The following WWOX variants were observed in gnomAD, a reference collection of about 807,000 sequenced individuals.
WWOX encodes the protein WW domain containing oxidoreductase.
WWOX carries 69 observed loss-of-function variants against 46.2 expected under a neutral mutation model. The ratio of observed to expected loss-of-function variants is 1.49; its 90% CI spans 1.23 to 1.82. The LOEUF is 1.82. WWOX is among the 40% of genes most tolerant of loss of function. The probability of loss-of-function intolerance (pLI) is 0.00; values close to 1 mark genes in which losing one functional copy is unlikely to be tolerated. For synonymous variants in WWOX, 359 were observed against 202.6 expected, an observed-to-expected ratio of 1.77 and a Z score of -6.56; for missense variants, 919 against 542.6, an observed-to-expected ratio of 1.69 and a Z score of -6.89.
At chr16:79,116,657 C>G (rs1025144118) in intron 8 of WWOX, among the ~76,000 whole-genome samples, 1 of 152,092 alleles carries the variant, frequency 6.6e-6, no homozygotes, top group Non-Finnish European at 1.5e-5. Context: ...CTTGAAGGGG[C>G]TCAAGACTTA....
At chr16:78,616,263 T>A (rs1047909342) in intron 8 of WWOX, among the ~76,000 whole-genome samples, 1 of 152,124 alleles carries the variant, frequency 6.6e-6, no homozygotes, top group Non-Finnish European at 1.5e-5. Flanking sequence ...TTGTCTTAGT[T>A]TTTTTGGGCT....
chr16:78,426,054 G>A (rs1189779340), intron 7 of WWOX, among the ~76,000 whole-genome samples: 1 of 152,190 alleles, frequency 6.6e-6, no homozygotes, highest in African/African-American at 2.4e-5. Context: ...GTGACACACT[G>A]CAGATAGATT....
At chr16:78,992,205 C>G (rs997700780) in intron 8 of WWOX, among the ~76,000 whole-genome samples, 3 of 152,186 alleles carry the variant, frequency 2.0e-5, no homozygotes, top group African/African-American at 7.2e-5. Context: ...AACGATGTCA[C>G]TATTCTTCTA....
rs2151823696 is a variant in WWOX, at chr16:78,245,701, C to T, written c.516+81412C>T. On this transcript the variant is annotated intron_variant, in intron 5 of 8. Transcript: ENST00000566780. ...GGGGATTTGTCATCCCATAGAATGC[C>T]ACCACATGGAATCGGTCCTGAGGCT... Among the ~76,000 whole-genome samples, 4 of 152,302 alleles carry T rather than the reference C, an allele frequency of 2.6e-5. 2 individuals carry two copies. Among genetic ancestry groups the T allele is most frequent in the Admixed American group, 2.6e-4 (4 of 15,306 alleles).
rs1013154030 is a variant in WWOX at position 78,100,038 on chromosome 16, T to C, written c.107+153T>C. The C allele has an allele frequency of 1.3e-4, 189 of 1,437,416 alleles. 1 individual carries two copies. Among genetic ancestry groups the C allele is most frequent in the Non-Finnish European group, 2.0e-5 (22 of 1,096,920 alleles). 89.0% of individuals were successfully genotyped at this position (1,437,416 alleles called of 1,614,324 possible). A position where few individuals can be genotyped will look rare whatever the true frequency, so the allele number is the denominator to read the frequency against. On this transcript the variant is annotated intron_variant, in intron 1 of 8. Transcript: ENST00000566780. ...AGCTTCAGGGAAAAGGGTCCAGGGT[T>C]CCCAGTAGGGGCCGGCCCCCTTGGT...
rs189399780 is a variant in WWOX at position 78,405,553 on chromosome 16, C to T, written c.605+18605C>T. ...GAATATTTATTCAGGACATTCTCTACCAGACATATTGAGTAAGGGCAACAG... is the reference window on the plus strand; with the variant it reads ...GAATATTTATTCAGGACATTCTCTATCAGACATATTGAGTAAGGGCAACAG... On this transcript the variant is annotated intron_variant, in intron 6 of 8. Transcript: ENST00000566780. Among the ~76,000 whole-genome samples the T allele has an allele frequency of 6.2e-4, 94 of 152,242 alleles. 1 individual carries two copies. The highest frequency in any genetic ancestry group is 1.2e-3 in the Non-Finnish European group (79 of 68,030).
At chr16:78,321,791 T>C (rs930349369) in intron 5 of WWOX, among the ~76,000 whole-genome samples, 1 of 152,094 alleles carries the variant, frequency 6.6e-6, no homozygotes, top group Non-Finnish European at 1.5e-5. Flanking sequence ...GTGGCTGTCG[T>C]CTGTTAGTGT....
chr16:78,553,611 A>G (rs1294646669), intron 8 of WWOX, among the ~76,000 whole-genome samples: 1 of 152,140 alleles, frequency 6.6e-6, no homozygotes, highest in African/African-American at 2.4e-5. Flanking sequence ...TTAGGCAATA[A>G]TAAGTGAGCA....
chr16:78,913,852 G>C (rs117646850), intron 8 of WWOX, among the ~76,000 whole-genome samples: 1 of 151,772 alleles, frequency 6.6e-6, no homozygotes, highest in African/African-American at 2.4e-5. Context: ...GTAGATACGG[G>C]GTCTTGCTAT....
At chr16:79,201,308 C>G (rs781319995) in intron 8 of WWOX, among the ~76,000 whole-genome samples, 1 of 151,760 alleles carries the variant, frequency 6.6e-6, no homozygotes, top group African/African-American at 2.4e-5. Flanking sequence ...CCTCTCCCTT[C>G]CCTAGCTGAA....
At chr16:78,908,839 C>T (rs1225365622) in intron 8 of WWOX, among the ~76,000 whole-genome samples, 2 of 152,174 alleles carry the variant, frequency 1.3e-5, no homozygotes, top group African/African-American at 4.8e-5. Context: ...TGCAAAGTAT[C>T]TAAAGTACTG....
chr16:78,880,919 T>C (rs1419081928), intron 8 of WWOX, among the ~76,000 whole-genome samples: 1 of 152,088 alleles, frequency 6.6e-6, no homozygotes, highest in Non-Finnish European at 1.5e-5. Flanking sequence ...CCCTGACTCC[T>C]GTTTTCCAAG....
chr16:78,132,273 A>G (rs937647626), intron 4 of WWOX, among the ~76,000 whole-genome samples: 16 of 150,888 alleles, frequency 1.1e-4, no homozygotes, highest in Admixed American at 2.0e-4. Context: ...TGATCTGCCC[A>G]CCTCAGCCTC....
At chr16:78,553,821 T>C (rs1308070068) in intron 8 of WWOX, among the ~76,000 whole-genome samples, 13 of 151,720 alleles carry the variant, frequency 8.6e-5, no homozygotes, top group Admixed American at 8.5e-4. Flanking sequence ...GGTGGCAGTA[T>C]TGGTGGTCAC....
chr16:79,045,990 C>T lies in WWOX; in HGVS notation c.1057-165618C>T, dbSNP rs1282250404. ...CTAATTTTTGTATTTTTAGTAGAGA[C>T]GGGCTTTCACCATGTTGGCCAGGCT... On this transcript the variant is annotated intron_variant, in intron 8 of 8. Transcript: ENST00000566780. Among the ~76,000 whole-genome samples the T allele has an allele frequency of 2.6e-5, 4 of 151,582 alleles. 1 individual carries two copies. The highest frequency in any genetic ancestry group is 4.4e-5 in the Non-Finnish European group (3 of 67,866).
At chr16:78,754,854 G>C (rs919191239) in intron 8 of WWOX, among the ~76,000 whole-genome samples, 1 of 152,156 alleles carries the variant, frequency 6.6e-6, no homozygotes, top group Non-Finnish European at 1.5e-5. Flanking sequence ...CAGCTGGTGG[G>C]TGATAACTTA....
chr16:78,469,691 A>G (rs918299192), intron 8 of WWOX, among the ~76,000 whole-genome samples: 3 of 152,140 alleles, frequency 2.0e-5, no homozygotes, highest in African/African-American at 4.8e-5. Flanking sequence ...TGCTTACACC[A>G]TGGACAACCA....
intron 8 of WWOX, among the ~76,000 whole-genome samples, chr16:78,646,019 G>C (rs571757991): frequency 3.9e-5 from 6 of 151,980 alleles, no homozygotes; most frequent in African/African-American, 1.4e-4. Flanking sequence ...ATCTTTTTAG[G>C]TTTATTTGTG....
chr16:78,829,227 C>T (rs1052300308), intron 8 of WWOX, among the ~76,000 whole-genome samples: 1 of 152,078 alleles, frequency 6.6e-6, no homozygotes, highest in African/African-American at 2.4e-5. Context: ...ATTATGGAAG[C>T]CCAGAAGTCC....
Sources: gnomAD v4.1 joint callset for allele counts (sites outside exome capture counted in the v4.1 genomes callset) on GRCh38, gnomAD v4.1.1 for gene constraint, MANE v1.5 for transcripts, NCBI Gene and HGNC (gene_info 2026-07-23, HGNC 2026-07-21) for gene names.